CATSPERE: variants seen among roughly 807,000 people sequenced by gnomAD.
The protein encoded by CATSPERE is catsper channel auxiliary subunit epsilon, also known as cation channel sperm-associated auxiliary subunit epsilon.
CATSPERE carries 93 observed loss-of-function variants against 114.1 expected under a neutral mutation model. The ratio of observed to expected loss-of-function variants is 0.81; its 90% CI spans 0.69 to 0.97. The LOEUF (loss-of-function observed/expected upper bound fraction) is 0.97, where lower values mean the gene tolerates loss of function less well. Among genes scored for constraint, CATSPERE ranks in the 50% least tolerant of loss-of-function variants. CATSPERE has a pLI of 0.00. For synonymous variants in CATSPERE, 341 were observed against 384.1 expected (o/e 0.89, Z 1.31); for missense variants, 1,058 against 1,131.6 (o/e 0.93, Z 0.93).
upstream of CATSPERE, among the ~76,000 whole-genome samples, chr1:244,460,063 G>A (rs921632742): frequency 2.6e-5 from 4 of 152,172 alleles, no homozygotes; most frequent in Admixed American, 2.6e-4. Flanking sequence ...CTAACTGAAC[G>A]GATTGCATCT....
At chr1:244,615,163 T>C (rs1286636369) in intron 19 of CATSPERE, among the ~76,000 whole-genome samples, 1 of 150,746 alleles carries the variant, frequency 6.6e-6, no homozygotes, top group Non-Finnish European at 1.5e-5. Flanking sequence ...GGTGGGGACT[T>C]GGAATTACCC....
At chr1:244,546,064 A>G (rs1659705966) in intron 8 of CATSPERE, among the ~76,000 whole-genome samples, 1 of 152,212 alleles carries the variant, frequency 6.6e-6, no homozygotes, top group African/African-American at 2.4e-5. Flanking sequence ...GCTAAGGGGA[A>G]TTGACCCAAT....
chr1:244,561,073 T>C lies in CATSPERE; in HGVS notation c.1435T>C (p.Leu479=), dbSNP rs867207956. The change falls in exon 10 of 22, where the codon TTA becomes CTA. Residue 479 remains leucine (L), a synonymous_variant. Coordinates refer to ENST00000366534, the MANE Select transcript of CATSPERE (RefSeq NM_001130957.2). The stretch of plus-strand genomic sequence containing the variant: ...CCATAATTTCACCTTTACTGGGATT[T>C]TACAGACACCTGCAGGACATGGAAA... ...CYHNFTFTGI[L]QTPAGHGNLS... is the part of the protein sequence containing the mutation. The C allele has an allele frequency of 1.2e-6, 2 of 1,612,508 alleles. No individual in the cohort carries two copies. The highest frequency in any genetic ancestry group is 1.7e-6 in the Non-Finnish European group (2 of 1,178,858).
intron 17 of CATSPERE, among the ~76,000 whole-genome samples, chr1:244,604,639 G>A (rs1669733075): frequency 6.6e-6 from 1 of 152,210 alleles, no homozygotes; most frequent in Non-Finnish European, 1.5e-5. Context: ...TGACACTAAG[G>A]TCCTAAGTGA....
At chr1:244,555,898 A>G (rs1373000077) in intron 9 of CATSPERE, among the ~76,000 whole-genome samples, 1 of 152,212 alleles carries the variant, frequency 6.6e-6, no homozygotes. Context: ...GAAGACTACA[A>G]AACACTGATA....
chr1:244,498,821 C>G (rs1412521740), intron 6 of CATSPERE, among the ~76,000 whole-genome samples, 181 bp from the exon 7 acceptor site: 1 of 152,088 alleles, frequency 6.6e-6, no homozygotes, highest in Non-Finnish European at 1.5e-5. Context: ...TTGCTTGAAC[C>G]CAGGAGGCAG....
In CATSPERE at chr1:244,561,118, G is replaced by A. The variant is rs1662490401; in HGVS notation, c.1480G>A (p.Asp494Asn). 3 of 1,604,174 alleles carry A rather than the reference G, an allele frequency of 1.9e-6. No individual in the cohort carries two copies. In the South Asian group the frequency reaches 3.3e-5, roughly 18 times the overall value. The change falls in exon 10 of 22, where the codon GAC (aspartate) becomes AAC (asparagine). Residue 494 changes from aspartate to asparagine, a missense_variant. Transcript: ENST00000366534. ...TGGAAATCTATCAATGCTATCAAAT[G>A]ACAGCATTATTCATGAAGTTTTCAT... ...GHGNLSMLSN[D>N]SIIHEVFIDY...
chr1:244,613,474 C>G (rs1030880517), intron 19 of CATSPERE, among the ~76,000 whole-genome samples: 6 of 152,028 alleles, frequency 3.9e-5, no homozygotes, highest in Non-Finnish European at 2.9e-5. Context: ...TAAATATAAT[C>G]AAGAGTTTTA....
rs368210723 is a variant in CATSPERE at position 244,556,922 on chromosome 1, G to T, written c.1030-3746G>T. On this transcript the variant is annotated intron_variant, in intron 9 of 21. Transcript: ENST00000366534. ...CAATTTTATTAATTACAGCATAAAA[G>T]AATTTTTTTTTTACATGTGGATATC... is the stretch of plus-strand genomic sequence containing the variant. Among the ~76,000 whole-genome samples the T allele has an allele frequency of 8.1e-4, 118 of 146,578 alleles. 1 individual carries two copies. Among genetic ancestry groups the T allele is most frequent in the African/African-American group, 3.1e-3 (114 of 36,770 alleles).
intron 20 of CATSPERE, among the ~76,000 whole-genome samples, chr1:244,623,690 G>A (rs12134105): frequency 0.044 from 6,621 of 152,050 alleles, 166 homozygotes; most frequent in Admixed American, 0.065. Context: ...GACCCCTGCC[G>A]TAAAGCGAGT....
chr1:244,543,294 A>C (rs1439915243), intron 8 of CATSPERE, among the ~76,000 whole-genome samples: 1 of 152,206 alleles, frequency 6.6e-6, no homozygotes, highest in Non-Finnish European at 1.5e-5. Flanking sequence ...GTGGAATACT[A>C]TTCAGCCTTC....
In CATSPERE at chr1:244,461,423, A is replaced by G. The variant is rs771137601; in HGVS notation, c.-7A>G. ...CGAGGCGGTTGGGCGGAGGCGGAGC[A>G]GGCGCCATGTCAGCCCGGGAAGTGG... On this transcript the variant is annotated 5_prime_UTR_variant, in exon 1 of 22. Transcript: ENST00000366534. The G allele has an allele frequency of 7.3e-7, 1 of 1,373,540 alleles. No individual in the cohort carries two copies. The highest frequency in any genetic ancestry group is 9.5e-7 in the Non-Finnish European group (1 of 1,053,332). The allele number at this position is 1,373,540 out of a possible 1,614,324, so 85.1% of individuals were successfully genotyped here.
At chr1:244,639,887 C>G in intron 21 of CATSPERE, 41 bp from the exon 22 acceptor site, 1 of 1,488,542 alleles carries the variant, frequency 6.7e-7, no homozygotes, top group East Asian at 2.5e-5. Context: ...AAAGTGTGAA[C>G]AATGACTTCT....
At chr1:244,473,117 G>A (rs1373855489) in intron 2 of CATSPERE, among the ~76,000 whole-genome samples, 3 of 152,170 alleles carry the variant, frequency 2.0e-5, no homozygotes, top group African/African-American at 7.2e-5. Context: ...CCCCATTTGG[G>A]TGAATACCAA....
At chr1:244,631,343 A>G (rs1209266580) in intron 20 of CATSPERE, among the ~76,000 whole-genome samples, 1 of 152,104 alleles carries the variant, frequency 6.6e-6, no homozygotes, top group Non-Finnish European at 1.5e-5. Flanking sequence ...CAAAACTATA[A>G]AACTCATAGA....
In CATSPERE at chr1:244,568,206, C is replaced by T. The variant is rs540417880; in HGVS notation, c.1508-4124C>T. 3.0e-4 allele frequency among the ~76,000 whole-genome samples: 46 copies of T among 152,308 alleles called. No homozygotes were observed. Among genetic ancestry groups the T allele is most frequent in the Admixed American group, 7.8e-4 (12 of 15,304 alleles). ...CAGCAAAGATTGCTGCCTGTTCCTTCCTCTGGAAGCTTTGTCCCAGAGGGG... is the reference window on the plus strand; with the variant it reads ...CAGCAAAGATTGCTGCCTGTTCCTTTCTCTGGAAGCTTTGTCCCAGAGGGG... On this transcript the variant is annotated intron_variant, in intron 10 of 21. Transcript: ENST00000366534. The surrounding 1 kb of genome is among the most constrained non-coding windows in gnomAD (Gnocchi z 4.4).
intron 20 of CATSPERE, among the ~76,000 whole-genome samples, chr1:244,617,916 T>C (rs943699876): frequency 1.3e-5 from 2 of 152,300 alleles, no homozygotes; most frequent in African/African-American, 4.8e-5. Flanking sequence ...CTGGGTTCAG[T>C]TGCCATGAAA....
upstream of CATSPERE, chr1:244,451,649 C>T (rs1178645291): frequency 1.9e-6 from 3 of 1,610,218 alleles, no homozygotes; most frequent in African/African-American, 1.3e-5. This position sits in a 1 kb window ranked among gnomAD's most constrained non-coding sequence, Gnocchi z 6.6. Flanking sequence ...CAGCGGCACA[C>T]GATGTCGGCG....
intron 18 of CATSPERE, among the ~76,000 whole-genome samples, chr1:244,608,704 C>G (rs1435428951): frequency 6.6e-6 from 1 of 152,190 alleles, no homozygotes; most frequent in African/African-American, 2.4e-5. Context: ...TTCTCCCTCT[C>G]TCTCACGTTT....
Sources: allele counts gnomAD v4.1 joint callset (sites outside exome capture counted in the v4.1 genomes callset), GRCh38; gene constraint gnomAD v4.1.1; non-coding constraint Gnocchi (gnomAD v3.1); transcripts MANE v1.5; gene names NCBI Gene and HGNC (gene_info 2026-07-23, HGNC 2026-07-21).